The following TSHZ2 variants were observed in gnomAD, a reference collection of about 807,000 sequenced individuals.
TSHZ2 encodes the protein teashirt homolog 2.
Under a neutral mutation model 74.4 loss-of-function variants are expected in TSHZ2, and 21 were observed. That is an observed-to-expected ratio of 0.28 (90% CI 0.20 to 0.41). TSHZ2 has a LOEUF of 0.41. TSHZ2 is among the 10% of genes least tolerant of loss of function. TSHZ2 has a pLI of 1.00. For missense variants in TSHZ2, 1,244 were observed against 1,293.5 expected (o/e 0.96, Z 0.59); for synonymous variants, 540 against 515.3 (o/e 1.05, Z -0.65).
chr20:53,389,633 C>A (rs1982177696), intron 2 of TSHZ2, among the ~76,000 whole-genome samples: 1 of 152,192 alleles, frequency 6.6e-6, no homozygotes, highest in Non-Finnish European at 1.5e-5. Context: ...AGGCAGGTGG[C>A]CATGCTCTGC....
intron 1 of TSHZ2, among the ~76,000 whole-genome samples, chr20:52,997,723 A>G (rs1982259317): frequency 6.6e-6 from 1 of 152,182 alleles, no homozygotes; most frequent in African/African-American, 2.4e-5. Flanking sequence ...TTGCTAGGAA[A>G]GAACAGCAAC....
chr20:53,167,484 A>T (rs1988089700), intron 1 of TSHZ2, among the ~76,000 whole-genome samples: 1 of 152,192 alleles, frequency 6.6e-6, no homozygotes, highest in Non-Finnish European at 1.5e-5. Context: ...TCATTCTCAC[A>T]GTCACCAAGC....
chr20:53,324,872 G>A (rs914136068), intron 2 of TSHZ2, among the ~76,000 whole-genome samples: 12 of 152,164 alleles, frequency 7.9e-5, no homozygotes, highest in Admixed American at 3.9e-4. Context: ...ACCCTGTGTC[G>A]GGACAGCCAG....
At chr20:53,363,673 C>A (rs1294666266) in intron 2 of TSHZ2, among the ~76,000 whole-genome samples, 4 of 152,092 alleles carry the variant, frequency 2.6e-5, no homozygotes, top group Non-Finnish European at 5.9e-5. Flanking sequence ...TGTGACTGGG[C>A]GTGGTGGCTC....
chr20:53,358,195 T>C (rs6126816), intron 2 of TSHZ2, among the ~76,000 whole-genome samples: 26,377 of 151,754 alleles, frequency 0.17, 2,947 homozygotes, highest in South Asian at 0.31. Flanking sequence ...TTTTAGCCTG[T>C]GTCTTTATGG....
chr20:53,309,844 C>G (rs903019812), intron 2 of TSHZ2, among the ~76,000 whole-genome samples: 1 of 152,144 alleles, frequency 6.6e-6, no homozygotes, highest in Non-Finnish European at 1.5e-5. Context: ...TTAGTGTGCT[C>G]TGTGTAACAT....
intron 1 of TSHZ2, among the ~76,000 whole-genome samples, chr20:53,158,059 CGA>C (rs1987838793): frequency 2.6e-5 from 4 of 151,898 alleles, no homozygotes; most frequent in Admixed American, 2.0e-4. Flanking sequence ...TTTGAGGAGG[CGA>C]TATTTGAACA....
chr20:52,992,959 T>C (rs1308282024), intron 1 of TSHZ2, among the ~76,000 whole-genome samples: 2 of 152,214 alleles, frequency 1.3e-5, no homozygotes, highest in Non-Finnish European at 2.9e-5. Flanking sequence ...TAAGCAGCTC[T>C]TTTAGGTGCC....
intron 1 of TSHZ2, among the ~76,000 whole-genome samples, chr20:53,231,273 T>G (rs1041586274): frequency 6.6e-6 from 1 of 152,236 alleles, no homozygotes; most frequent in Non-Finnish European, 1.5e-5. Flanking sequence ...ATCCTGCATA[T>G]ACAAATCATT....
chr20:53,185,951 G>A (rs987228250), intron 1 of TSHZ2, among the ~76,000 whole-genome samples: 14 of 152,192 alleles, frequency 9.2e-5, no homozygotes, highest in African/African-American at 3.1e-4. Flanking sequence ...GGGTTACTGT[G>A]AATGGTGCCA....
At chr20:53,206,357 A>G (rs1379803005) in intron 1 of TSHZ2, among the ~76,000 whole-genome samples, 1 of 152,246 alleles carries the variant, frequency 6.6e-6, no homozygotes, top group African/African-American at 2.4e-5. Context: ...CGAGTACAGT[A>G]GCCATTATTA....
At chr20:53,027,379 C>T (rs1473848427) in intron 1 of TSHZ2, among the ~76,000 whole-genome samples, 1 of 152,074 alleles carries the variant, frequency 6.6e-6, no homozygotes, top group African/African-American at 2.4e-5. Context: ...ACTATATATG[C>T]TGTTAGAGCA....
chr20:53,237,777 G>C (rs188152500), intron 1 of TSHZ2, among the ~76,000 whole-genome samples: 173 of 152,256 alleles, frequency 1.1e-3, no homozygotes, highest in African/African-American at 4.0e-3. Flanking sequence ...ATTTAAAGCA[G>C]ATTTTTGACC....
At chr20:53,122,534 G>A (rs1936971) in intron 1 of TSHZ2, among the ~76,000 whole-genome samples, 14,559 of 152,072 alleles carry the variant, frequency 0.096, 1,455 homozygotes, top group East Asian at 0.3. Context: ...CTTTCCCTAA[G>A]GTTGAGCCAG....
chr20:53,156,412 A>C (rs1434835362), intron 1 of TSHZ2, among the ~76,000 whole-genome samples: 2 of 152,206 alleles, frequency 1.3e-5, no homozygotes, highest in African/African-American at 2.4e-5. Flanking sequence ...TTGGGTTTGC[A>C]GTCCTGAGAA....
rs1491056119 is a variant in TSHZ2 at position 53,352,793 on chromosome 20, AAG to A, written c.*8+96224_*8+96225del. On this transcript the variant is annotated intron_variant, in intron 2 of 2. Transcript: ENST00000371497. ...TGTCTCAAACAAAAAAAAAAAAAAA[AAG>A]AAAGAAATAAGATGAGAATTTTAGG... is the stretch of plus-strand genomic sequence containing the variant. Among the ~76,000 whole-genome samples, 118 of 39,532 alleles carry A rather than the reference AAG, an allele frequency of 3.0e-3. 1 individual carries two copies. The highest frequency in any genetic ancestry group is 0.016 in the African/African-American group (98 of 6,026). The allele number at this position is 39,532 out of a possible 152,430, so 25.9% of individuals were successfully genotyped here.
chr20:53,183,977 C>A (rs552230284), intron 1 of TSHZ2, among the ~76,000 whole-genome samples: 2 of 152,238 alleles, frequency 1.3e-5, no homozygotes, highest in Admixed American at 6.5e-5. Flanking sequence ...GGGAGTCCTG[C>A]CTGGCAGCAC....
chr20:53,030,817 T>C (rs1983608582), intron 1 of TSHZ2, among the ~76,000 whole-genome samples: 2 of 152,240 alleles, frequency 1.3e-5, no homozygotes, highest in South Asian at 2.1e-4. Context: ...ATTATAATCA[T>C]ATAGAGGATA....
chr20:53,312,786 G>T (rs950525359), intron 2 of TSHZ2, among the ~76,000 whole-genome samples: 18 of 152,318 alleles, frequency 1.2e-4, no homozygotes, highest in African/African-American at 4.1e-4. Context: ...CAAAATAGTA[G>T]ATTTTTTGTT....
Sources: allele counts gnomAD v4.1 joint callset (sites outside exome capture counted in the v4.1 genomes callset), GRCh38; gene constraint gnomAD v4.1.1; transcripts MANE v1.5; gene names NCBI Gene and HGNC (gene_info 2026-07-23, HGNC 2026-07-21).